Variants in CELF5 observed in about 807,000 individuals in gnomAD.
CELF5 encodes CUG-BP and ETR-3 like factor 5.
A neutral mutation model predicts 54.9 loss-of-function variants in CELF5; 6 were observed. That is an observed-to-expected ratio of 0.11 (90% CI 0.06 to 0.22). The LOEUF (loss-of-function observed/expected upper bound fraction) is 0.22. CELF5 is among the 10% of genes least tolerant of loss of function. The pLI is 1.00. For missense variants in CELF5, 401 were observed against 678.6 expected (o/e 0.59, Z 4.54); for synonymous variants, 271 against 290.9 (o/e 0.93, Z 0.70).
At chr19:3,293,774 T>TAG (rs1430798484) in intron 12 of CELF5, 1 of 274,426 alleles carries the variant, frequency 3.6e-6, no homozygotes, top group African/African-American at 2.2e-5. Flanking sequence ...GAGGGCTGAA[T>TAG]AGAAGTTCAC....
In CELF5 at chr19:3,275,969, G is replaced by A; in HGVS notation, c.508G>A (p.Asp170Asn). 1 of 1,602,964 alleles carries A rather than the reference G, an allele frequency of 6.2e-7. No homozygotes were observed. Among genetic ancestry groups the A allele is most frequent in the Non-Finnish European group, 8.5e-7 (1 of 1,175,154 alleles). Residue 170 changes from aspartate to asparagine, a missense_variant, in exon 4 of 13, where the codon GAC becomes AAC. Physicochemically the swap from Asp to Asn is conservative, Grantham distance 23. Transcript: ENST00000292672. The surrounding 1 kb of genome is among the most constrained non-coding windows in gnomAD (Gnocchi z 6.7). ...CGAGTGCACCGTGCTCCGGGGGCCT[G>A]ACGGCAGCAGCAAAGGTGACTGGCG... ...IDECTVLRGPDGSSKGCAFVK... is the reference protein window; with the variant it reads ...IDECTVLRGPNGSSKGCAFVK...
chr19:3,241,745 C>G (rs1359382543), intron 1 of CELF5, among the ~76,000 whole-genome samples: 1 of 152,080 alleles, frequency 6.6e-6, no homozygotes, highest in East Asian at 1.9e-4. Flanking sequence ...TGATCCAGCC[C>G]CGTGTTTCTG....
At chr19:3,252,095 TGGAGTACA>T (rs140394829) in intron 2 of CELF5, among the ~76,000 whole-genome samples, 9,913 of 152,116 alleles carry the variant, frequency 0.065, 850 homozygotes, top group East Asian at 0.43. Context: ...TTACCCAGGC[TGGAGTACA>T]ATGGCTCACT....
intron 2 of CELF5, among the ~76,000 whole-genome samples, chr19:3,255,073 A>C (rs1425704219): frequency 6.6e-6 from 1 of 152,156 alleles, no homozygotes; most frequent in African/African-American, 2.4e-5. Context: ...ACCCCACGCT[A>C]TGCTAAACTC....
At chr19:3,243,490 T>A (rs1361696703) in intron 1 of CELF5, among the ~76,000 whole-genome samples, 1 of 152,126 alleles carries the variant, frequency 6.6e-6, no homozygotes, top group Non-Finnish European at 1.5e-5. Flanking sequence ...CTACGTTGCC[T>A]AGGCTGGTCT....
At chr19:3,254,021 G>T (rs185558316) in intron 2 of CELF5, among the ~76,000 whole-genome samples, 2 of 152,242 alleles carry the variant, frequency 1.3e-5, no homozygotes, top group Admixed American at 1.3e-4. Context: ...CCTGTTGGGG[G>T]CCAAAACTGA....
rs796225242 is a variant in CELF5 at position 3,252,426 on chromosome 19, A to C, written c.342+1359A>C. ...GATGAGTGGTCTCCCTGAGCCAGTC[A>C]ATCCGGGTCCCCAGGCCATGCCTCT... On this transcript the variant is annotated intron_variant, in intron 2 of 12. Coordinates refer to ENST00000292672, the MANE Select transcript of CELF5 (RefSeq NM_021938.4). Among the ~76,000 whole-genome samples the C allele has an allele frequency of 2.0e-4, 30 of 152,272 alleles. 1 individual carries two copies. Among genetic ancestry groups the C allele is most frequent in the African/African-American group, 6.7e-4 (28 of 41,566 alleles).
chr19:3,237,852 A>G (rs2079438060), intron 1 of CELF5, among the ~76,000 whole-genome samples: 1 of 147,012 alleles, frequency 6.8e-6, no homozygotes, highest in Non-Finnish European at 1.5e-5. Context: ...GATCGAGACC[A>G]TCCTGGCTAA....
chr19:3,238,995 T>G (rs2079453923), intron 1 of CELF5, among the ~76,000 whole-genome samples: 1 of 152,208 alleles, frequency 6.6e-6, no homozygotes, highest in African/African-American at 2.4e-5. Context: ...TCATCTAGCT[T>G]GACTTCATCC....
At chr19:3,292,174 C>T (rs181120729) in intron 11 of CELF5, among the ~76,000 whole-genome samples, 223 of 146,624 alleles carry the variant, frequency 1.5e-3, no homozygotes, top group African/African-American at 5.3e-3. Flanking sequence ...CCCAAACTCC[C>T]GACCTCAGGT....
chr19:3,290,713 G>A (rs1408652946), intron 11 of CELF5, among the ~76,000 whole-genome samples: 2 of 148,200 alleles, frequency 1.3e-5, no homozygotes, highest in African/African-American at 5.0e-5. Flanking sequence ...ACAGGCGCCC[G>A]CCACCACACC....
intron 11 of CELF5, among the ~76,000 whole-genome samples, chr19:3,291,222 C>T (rs750015087): frequency 6.6e-6 from 1 of 151,906 alleles, no homozygotes; most frequent in Non-Finnish European, 1.5e-5. Flanking sequence ...GCTATGATCA[C>T]ACCACTGCAT....
At chr19:3,257,711 G>C (rs2079749223) in intron 2 of CELF5, among the ~76,000 whole-genome samples, 1 of 151,714 alleles carries the variant, frequency 6.6e-6, no homozygotes, top group South Asian at 2.1e-4. Flanking sequence ...CCCGAGCTCA[G>C]ATGATCCGCC....
intron 2 of CELF5, among the ~76,000 whole-genome samples, chr19:3,263,391 C>A (rs2079833529): frequency 6.6e-6 from 1 of 151,582 alleles, no homozygotes; most frequent in Non-Finnish European, 1.5e-5. Flanking sequence ...GAAACTCCGT[C>A]TCTACTCAAA....
chr19:3,245,403 T>C (rs1337276407), intron 1 of CELF5, among the ~76,000 whole-genome samples: 1 of 150,562 alleles, frequency 6.6e-6, no homozygotes, highest in African/African-American at 2.4e-5. Context: ...TGTGTGTGCG[T>C]GTGTGTGTGG....
rs192612168 is a variant in CELF5, at chr19:3,288,470, C to G, written c.1187-1761C>G. 9.9e-5 allele frequency among the ~76,000 whole-genome samples: 15 copies of G among 151,998 alleles called. No individual in the cohort carries two copies. In the East Asian group the frequency reaches 2.9e-3, roughly 29 times the overall value. On this transcript the variant is annotated intron_variant, in intron 10 of 12. Transcript: ENST00000292672. ...CTGGGAAGCAGAGGTTGCGATGAGC[C>G]AAGATCACGCCATTGCACTCCAGCC...
At chr19:3,253,933 T>G (rs2145073432) in intron 2 of CELF5, among the ~76,000 whole-genome samples, 1 of 152,296 alleles carries the variant, frequency 6.6e-6, no homozygotes, top group Non-Finnish European at 1.5e-5. Context: ...CTCATTTCCC[T>G]GATGAAGGTA....
At chr19:3,235,678 ATGTG>A (rs1917542561) in intron 1 of CELF5, among the ~76,000 whole-genome samples, 36 of 52,548 alleles carry the variant, frequency 6.9e-4, no homozygotes, top group East Asian at 1.5e-3. Context: ...GGATGGATGG[ATGTG>A]TGGATGGGTG....
intron 1 of CELF5, among the ~76,000 whole-genome samples, chr19:3,244,517 C>A (rs915888936): frequency 7.4e-6 from 1 of 135,490 alleles, no homozygotes; most frequent in Non-Finnish European, 1.5e-5. Flanking sequence ...GGTGTGCATG[C>A]GTCTTGTCTG....
Sources: allele counts gnomAD v4.1 joint callset (sites outside exome capture counted in the v4.1 genomes callset), GRCh38; gene constraint gnomAD v4.1.1; non-coding constraint Gnocchi (gnomAD v3.1); transcripts MANE v1.5; gene names NCBI Gene and HGNC (gene_info 2026-07-23, HGNC 2026-07-21).